SEPHS1: variants seen among roughly 807,000 people sequenced by gnomAD.
SEPHS1 encodes the protein zincore component SEPHS1.
In SEPHS1, 7 loss-of-function variants were observed where a neutral mutation model predicts 39.2. That is an observed-to-expected ratio of 0.18 (90% CI 0.10 to 0.34). The LOEUF is 0.34. SEPHS1 is among the 10% of genes least tolerant of loss of function. The pLI, the probability that SEPHS1 is intolerant of heterozygous loss-of-function variation, is 1.00. For missense variants in SEPHS1, 253 were observed against 514.5 expected, an observed-to-expected ratio of 0.49 and a Z score of 4.92; for synonymous variants, 190 against 195.5, an observed-to-expected ratio of 0.97 and a Z score of 0.23.
At chr10:13,324,696 G>A (rs757622735) in intron 7 of SEPHS1, among the ~76,000 whole-genome samples, 7 of 152,126 alleles carry the variant, frequency 4.6e-5, no homozygotes, top group Non-Finnish European at 1.0e-4. Context: ...CTGCAGCCTC[G>A]ACCTCCTGGG....
In SEPHS1 at chr10:13,333,967, C is replaced by G; in HGVS notation, c.410G>C (p.Arg137Thr). The G allele has an allele frequency of 6.2e-7, 1 of 1,606,902 alleles. No individual in the cohort carries two copies. Among genetic ancestry groups the G allele is most frequent in the Non-Finnish European group, 8.5e-7 (1 of 1,178,374 alleles). ...GATAATCAGAGGCATCACTTTATCC[C>G]TTTCCTAAGGTTGAAAAAGGTACAA... ...GVSNKMTDRERDKVMPLIIQG... is the reference protein window; with the variant it reads ...GVSNKMTDRETDKVMPLIIQG... Residue 137 changes from arginine (R) to threonine (T), a missense_variant, in exon 5 of 9, where the codon AGG (arginine) becomes ACG (threonine). Physicochemically the swap from Arg to Thr is moderately conservative, Grantham distance 71. Around this residue, in one of 4 missense-constraint regions of SEPHS1, gnomAD observed 123 missense variants for 196.8 expected, o/e 0.62. Transcript: ENST00000327347.
intron 3 of SEPHS1, chr10:13,336,561 C>T: frequency 1.7e-6 from 1 of 593,992 alleles, no homozygotes; most frequent in Non-Finnish European, 3.0e-6. Context: ...TCAGACATTC[C>T]TGTTACCACC....
At chr10:13,338,511 T>C (rs1490145892) in intron 3 of SEPHS1, among the ~76,000 whole-genome samples, 194 bp downstream of exon 3, 1 of 152,228 alleles carries the variant, frequency 6.6e-6, no homozygotes, top group East Asian at 1.9e-4. Flanking sequence ...AATTGCTTTA[T>C]GCCCAGTGCC....
intron 5 of SEPHS1, among the ~76,000 whole-genome samples, chr10:13,331,527 G>A (rs547565604): frequency 6.6e-6 from 1 of 152,104 alleles, no homozygotes; most frequent in Admixed American, 6.5e-5. Context: ...GATTACAGGC[G>A]CCTGCCATCG....
chr10:13,342,885 A>C (rs1463655211), intron 2 of SEPHS1, among the ~76,000 whole-genome samples: 2 of 152,000 alleles, frequency 1.3e-5, no homozygotes, highest in Non-Finnish European at 2.9e-5. Flanking sequence ...ACAGGTGTAC[A>C]CCAGCAAGCC....
At chr10:13,338,911 G>A (rs1588546224) in intron 2 of SEPHS1, 103 bp from the exon 3 acceptor site, 1 of 836,908 alleles carries the variant, frequency 1.2e-6, no homozygotes. Context: ...GATACTTATG[G>A]AAACTGCAGG....
rs920188598 is a variant in SEPHS1, at chr10:13,318,051, A to G, written c.*1091T>C. 1 of 152,230 alleles carries G rather than the reference A, an allele frequency of 6.6e-6. No individual in the cohort carries two copies. Among genetic ancestry groups the G allele is most frequent in the African/African-American group, 2.4e-5 (1 of 41,464 alleles). The allele number at this position is 152,230 out of a possible 1,614,324, so 9.4% of individuals were successfully genotyped here. ...CTCCCAACGCTTCTAAAATAATACT[A>G]AAAGGGGCATCTGATTATACAAGAG... On this transcript the variant is annotated 3_prime_UTR_variant, in exon 9 of 9. Transcript: ENST00000327347.
chr10:13,323,805 G>A (rs1209581714), intron 7 of SEPHS1, among the ~76,000 whole-genome samples: 1 of 150,492 alleles, frequency 6.6e-6, no homozygotes, highest in Non-Finnish European at 1.5e-5. Context: ...GCAGTGGCAT[G>A]ATCATAACTC....
At chr10:13,347,558 G>A (rs1003145618) in intron 1 of SEPHS1, among the ~76,000 whole-genome samples, 2 of 147,050 alleles carry the variant, frequency 1.4e-5, no homozygotes, top group East Asian at 2.0e-4. Context: ...AGGACGCCGG[G>A]ACGCACCCGC....
chr10:13,343,787 C>G (rs1035388199), intron 2 of SEPHS1, among the ~76,000 whole-genome samples: 1 of 152,084 alleles, frequency 6.6e-6, no homozygotes, highest in African/African-American at 2.4e-5. Context: ...GCACTCCAGC[C>G]TGGGTGACAG....
At chr10:13,328,167 C>G (rs1158910819) in intron 7 of SEPHS1, among the ~76,000 whole-genome samples, 184 bp downstream of exon 7, 1 of 151,914 alleles carries the variant, frequency 6.6e-6, no homozygotes, top group Admixed American at 6.6e-5. Flanking sequence ...AATTATAAAG[C>G]ACTGTAAGTC....
At chr10:13,333,381 C>T (rs1343855553) in intron 5 of SEPHS1, among the ~76,000 whole-genome samples, 2 of 151,868 alleles carry the variant, frequency 1.3e-5, no homozygotes, top group African/African-American at 2.4e-5. Context: ...GATCCACCCG[C>T]CTTGGCCTCC....
intron 6 of SEPHS1, 153 bp downstream of exon 6, chr10:13,329,545 A>C: frequency 1.7e-6 from 1 of 574,508 alleles, no homozygotes; most frequent in Non-Finnish European, 3.1e-6. Context: ...TTATTTAAAG[A>C]CTATGAACAA....
In SEPHS1 at chr10:13,328,884, T is replaced by C. The variant is rs1325317502; in HGVS notation, c.652-434A>G. Among the ~76,000 whole-genome samples the C allele has an allele frequency of 1.2e-4, 19 of 152,326 alleles. No homozygotes were observed. The East Asian group carries it at 3.5e-3, about 28-fold the overall frequency. ...ACATCCCCGCAGTGGCCTTCTGCTC[T>C]GCTCCCCATCACAGGGGGAGGAGGG... is the stretch of plus-strand genomic sequence containing the variant. On this transcript the variant is annotated intron_variant, in intron 6 of 8. Transcript: ENST00000327347.
At chr10:13,328,227 G>A in intron 7 of SEPHS1, 124 bp downstream of exon 7, 1 of 640,316 alleles carries the variant, frequency 1.6e-6, no homozygotes, top group African/African-American at 1.8e-5. Flanking sequence ...ACCAGGAGAA[G>A]ACGGTCTGTA....
intron 5 of SEPHS1, among the ~76,000 whole-genome samples, chr10:13,331,293 A>G (rs1564447530): frequency 1.3e-5 from 2 of 152,190 alleles, no homozygotes; most frequent in African/African-American, 4.8e-5. Flanking sequence ...TGCAATAAAC[A>G]TATGTGTGCA....
At chr10:13,325,096 C>A (rs999528463) in intron 7 of SEPHS1, among the ~76,000 whole-genome samples, 20 of 152,074 alleles carry the variant, frequency 1.3e-4, no homozygotes, top group Non-Finnish European at 2.9e-5. Context: ...AATTTTTCTC[C>A]CAGTCTGTGG....
chr10:13,339,398 C>A (rs1170792985), intron 2 of SEPHS1, among the ~76,000 whole-genome samples: 2 of 152,090 alleles, frequency 1.3e-5, no homozygotes, highest in Non-Finnish European at 2.9e-5. Flanking sequence ...GATATAAACA[C>A]TCTGGCATCT....
At chr10:13,320,296 C>T (rs529573305) in intron 8 of SEPHS1, among the ~76,000 whole-genome samples, 4 of 152,016 alleles carry the variant, frequency 2.6e-5, no homozygotes, top group Admixed American at 6.5e-5. Flanking sequence ...ATTCTCCTGC[C>T]TCAGCCTCCT....
Sources: gnomAD v4.1 joint callset for allele counts (sites outside exome capture counted in the v4.1 genomes callset) on GRCh38, gnomAD v4.1.1 for gene constraint, gnomAD v4.1.1 regional missense constraint, MANE v1.5 for transcripts, NCBI Gene and HGNC (gene_info 2026-07-23, HGNC 2026-07-21) for gene names.